Variants in TENT4B observed in about 807,000 individuals in gnomAD.
TENT4B encodes the protein PAP associated domain containing 5.
In TENT4B, 10 loss-of-function variants were observed where a neutral mutation model predicts 75.0. The ratio of observed to expected loss-of-function variants is 0.13; its 90% CI spans 0.08 to 0.23. The LOEUF (loss-of-function observed/expected upper bound fraction) is 0.23. TENT4B is among the 10% of genes least tolerant of loss of function. The pLI is 1.00. For synonymous variants in TENT4B, 350 were observed against 357.7 expected (o/e 0.98, Z 0.24); for missense variants, 579 against 893.8 (o/e 0.65, Z 4.49).
At chr16:50,183,758 G>C (rs540799714) in intron 1 of TENT4B, among the ~76,000 whole-genome samples, 1 of 152,096 alleles carries the variant, frequency 6.6e-6, no homozygotes, top group Non-Finnish European at 1.5e-5. Flanking sequence ...GAATTGGGCA[G>C]ATTTGGCCAG....
chr16:50,208,634 A>T (rs1011252536), intron 1 of TENT4B, among the ~76,000 whole-genome samples: 1 of 152,156 alleles, frequency 6.6e-6, no homozygotes, highest in African/African-American at 2.4e-5. Context: ...GTTCCTTTTC[A>T]TTGTTAGATG....
At chr16:50,162,194 A>G (rs1000038375) in intron 1 of TENT4B, among the ~76,000 whole-genome samples, 3 of 152,190 alleles carry the variant, frequency 2.0e-5, no homozygotes, top group East Asian at 1.9e-4. Flanking sequence ...TTGTTTAACC[A>G]TTTACTTATT....
chr16:50,195,550 T>G (rs1159584113), intron 1 of TENT4B, among the ~76,000 whole-genome samples: 1 of 152,184 alleles, frequency 6.6e-6, no homozygotes, highest in Non-Finnish European at 1.5e-5. Context: ...CAATTATGGG[T>G]GTGTTTAATG....
At chr16:50,184,611 G>C (rs2038488856) in intron 1 of TENT4B, among the ~76,000 whole-genome samples, 1 of 152,166 alleles carries the variant, frequency 6.6e-6, no homozygotes, top group Non-Finnish European at 1.5e-5. Flanking sequence ...AGCTGGCAGT[G>C]AGCCGAGATG....
intron 1 of TENT4B, among the ~76,000 whole-genome samples, chr16:50,184,540 G>A (rs1010825286): frequency 3.3e-5 from 5 of 152,038 alleles, no homozygotes; most frequent in South Asian, 2.1e-4. Flanking sequence ...GGTGGCGGGC[G>A]CCTATAGTCC....
chr16:50,225,318 A>T (rs369725655), intron 10 of TENT4B, 33 bp downstream of exon 10: 1 of 1,571,538 alleles, frequency 6.4e-7, no homozygotes, highest in African/African-American at 1.4e-5. Context: ...TTCTGAACTC[A>T]GATGCATGCA....
At chr16:50,157,543 G>A (rs754584143) in intron 1 of TENT4B, among the ~76,000 whole-genome samples, 14 of 152,054 alleles carry the variant, frequency 9.2e-5, no homozygotes, top group Non-Finnish European at 1.8e-4. Context: ...ACAGACCAGG[G>A]ATTTTGTTTG....
chr16:50,153,082 T>C (rs1257018030), upstream of TENT4B: 2 of 1,364,214 alleles, frequency 1.5e-6, no homozygotes, highest in Non-Finnish European at 1.9e-6. Flanking sequence ...GGCCAGGCGG[T>C]TGCGGCCCCG....
chr16:50,206,564 G>A (rs991464582), intron 1 of TENT4B, among the ~76,000 whole-genome samples: 2 of 152,084 alleles, frequency 1.3e-5, no homozygotes, highest in African/African-American at 4.8e-5. Context: ...GACATGCTGT[G>A]TCTGGGCAGG....
intron 1 of TENT4B, among the ~76,000 whole-genome samples, chr16:50,155,840 G>C (rs1029600050): frequency 6.6e-6 from 1 of 152,144 alleles, no homozygotes; most frequent in South Asian, 2.1e-4. Context: ...ACAGGAGTAA[G>C]CTCCAGTTAG....
chr16:50,217,760 G>GTCTATCTCTC (rs2031632778), intron 5 of TENT4B, 97 bp downstream of exon 5: 1 of 476,188 alleles, frequency 2.1e-6, no homozygotes, highest in South Asian at 2.7e-5. Flanking sequence ...GCATGTTGCT[G>GTCTATCTCTC]TCTCTCTCTC....
chr16:50,220,134 G>A (rs865869175), intron 5 of TENT4B, among the ~76,000 whole-genome samples: 18 of 151,834 alleles, frequency 1.2e-4, no homozygotes, highest in African/African-American at 3.9e-4. Context: ...GATTAGAGGC[G>A]CACACCACCA....
intron 1 of TENT4B, among the ~76,000 whole-genome samples, chr16:50,196,049 G>A (rs2030216416): frequency 6.6e-6 from 1 of 152,220 alleles, no homozygotes; most frequent in Non-Finnish European, 1.5e-5. Flanking sequence ...GTACACAGAT[G>A]TGCCTGCTAA....
At chr16:50,155,155 A>C (rs2037866597) in intron 1 of TENT4B, among the ~76,000 whole-genome samples, 1 of 152,146 alleles carries the variant, frequency 6.6e-6, no homozygotes, top group African/African-American at 2.4e-5. Context: ...ACCCCTAGTG[A>C]ATTATGTACA....
At chr16:50,207,563 A>G (rs978443624) in intron 1 of TENT4B, among the ~76,000 whole-genome samples, 4 of 152,206 alleles carry the variant, frequency 2.6e-5, no homozygotes, top group African/African-American at 9.7e-5. Context: ...AGATCACGGA[A>G]GAGTTGTATT....
intron 5 of TENT4B, among the ~76,000 whole-genome samples, chr16:50,219,057 TAAAA>T (rs2031704342): frequency 6.6e-6 from 1 of 152,048 alleles, no homozygotes. Flanking sequence ...AGCAGAAAAA[TAAAA>T]GAAAGATTAT....
chr16:50,160,279 C>T (rs2037978717), intron 1 of TENT4B, among the ~76,000 whole-genome samples: 1 of 152,174 alleles, frequency 6.6e-6, no homozygotes, highest in Non-Finnish European at 1.5e-5. Context: ...TAATCATTGG[C>T]ATTTCAGTGT....
At position 50,196,699 on chromosome 16, in the gene TENT4B, G is replaced by A. The variant is rs1049069113; in HGVS notation, c.639-14624G>A. 5.3e-5 allele frequency among the ~76,000 whole-genome samples: 8 copies of A among 151,966 alleles called. No individual in the cohort carries two copies. The South Asian group carries it at 6.2e-4, about 12-fold the overall frequency. On this transcript the variant is annotated intron_variant, in intron 1 of 11. Transcript: ENST00000561678. Reference sequence around the variant, plus strand: ...TCCCAGCACTTTGGGAGGCCAAGGCGGGCAGATCGCTTGAGCCAGGAGTTT... The same window carrying A: ...TCCCAGCACTTTGGGAGGCCAAGGCAGGCAGATCGCTTGAGCCAGGAGTTT...
intron 1 of TENT4B, among the ~76,000 whole-genome samples, chr16:50,159,014 G>A (rs1336775844): frequency 2.0e-5 from 3 of 152,160 alleles, no homozygotes; most frequent in African/African-American, 4.8e-5. Context: ...GTAGGGGGAT[G>A]TATAGGTGGA....
Sources: allele counts gnomAD v4.1 joint callset (sites outside exome capture counted in the v4.1 genomes callset), GRCh38; gene constraint gnomAD v4.1.1; transcripts MANE v1.5; gene names NCBI Gene and HGNC (gene_info 2026-07-23, HGNC 2026-07-21).